The following SMARCC1 variants were observed in gnomAD, a reference collection of about 807,000 sequenced individuals.
SMARCC1 encodes SWI/SNF complex subunit SMARCC1.
A neutral mutation model predicts 147.4 loss-of-function variants in SMARCC1; 43 were observed. The ratio of observed to expected loss-of-function variants is 0.29; its 90% confidence interval spans 0.23 to 0.38. SMARCC1 has a LOEUF of 0.38. Among genes scored for constraint, SMARCC1 ranks in the 10% least tolerant of loss-of-function variants. The pLI is 1.00. For missense variants in SMARCC1, 1,119 were observed against 1,381.1 expected (o/e 0.81, Z 3.01); for synonymous variants, 495 against 484.4 (o/e 1.02, Z -0.29).
intron 25 of SMARCC1, among the ~76,000 whole-genome samples, chr3:47,616,363 T>C (rs2032645763): frequency 6.6e-6 from 1 of 151,922 alleles, no homozygotes; most frequent in Non-Finnish European, 1.5e-5. Context: ...CATAACTGCC[T>C]TTCCTTTAAT....
intron 9 of SMARCC1, among the ~76,000 whole-genome samples, chr3:47,708,536 G>A (rs1331610543): frequency 6.6e-6 from 1 of 152,040 alleles, no homozygotes; most frequent in Admixed American, 6.6e-5. Flanking sequence ...GTATGAACTG[G>A]CCAGTTAAAT....
At chr3:47,605,132 G>C (rs1220427011) in intron 26 of SMARCC1, among the ~76,000 whole-genome samples, 1 of 152,214 alleles carries the variant, frequency 6.6e-6, no homozygotes, top group Non-Finnish European at 1.5e-5. Flanking sequence ...CATACTGCTA[G>C]AGTGTAAACA....
chr3:47,601,611 T>C (rs544739253), intron 26 of SMARCC1: 1 of 151,842 alleles, frequency 6.6e-6, no homozygotes, highest in African/African-American at 2.4e-5. Flanking sequence ...GTAGCATGGC[T>C]ACTCCGGAAA....
chr3:47,613,982 G>A (rs548411993), intron 25 of SMARCC1, among the ~76,000 whole-genome samples: 5 of 135,940 alleles, frequency 3.7e-5, no homozygotes, highest in African/African-American at 1.3e-4. Flanking sequence ...AGCAGGGAGG[G>A]GGGTGGGAAA....
At chr3:47,756,657 A>G (rs563008432) in intron 2 of SMARCC1, among the ~76,000 whole-genome samples, 1 of 152,284 alleles carries the variant, frequency 6.6e-6, no homozygotes, top group South Asian at 2.1e-4. Flanking sequence ...CACGGGTCAA[A>G]TGTAGTCCAC....
rs2033230777 is a variant in SMARCC1 at position 47,654,395 on chromosome 3, A to G, written c.2320+6899T>C. On this transcript the variant is annotated intron_variant, in intron 21 of 27. Transcript: ENST00000254480. ...TCAGTCTCCATATAAGAAAAAGAAA[A>G]TAAGTTAATTTTCAAACTAAGAATT... Among the ~76,000 whole-genome samples the G allele has an allele frequency of 2.6e-5, 4 of 152,366 alleles. No homozygotes were observed. The South Asian group carries it at 8.3e-4, about 32-fold the overall frequency.
At chr3:47,678,397 C>T (rs2033599240) in intron 15 of SMARCC1, 86 bp from the exon 16 acceptor site, 3 of 570,280 alleles carry the variant, frequency 5.3e-6, no homozygotes, top group Non-Finnish European at 6.2e-6. Flanking sequence ...CTTCAGATTC[C>T]TTAAAAATAC....
rs2032544807 is a variant in SMARCC1, at chr3:47,610,268, C to G, written c.2841G>C (p.Leu947=). 2 of 1,614,226 alleles carry G rather than the reference C, an allele frequency of 1.2e-6. No individual in the cohort carries two copies. Among genetic ancestry groups the G allele is most frequent in the South Asian group, 2.2e-5 (2 of 91,088 alleles). Residue 947 remains leucine (L), a synonymous_variant, in exon 26 of 28, where the codon CTG becomes CTC. Transcript: ENST00000254480. Reference sequence around the variant, plus strand: ...GTCGTGCTCGTAATTCAGCATACTTCAGCTGTTCCATGTGGAAGTTTTGGC... The same window carrying G: ...GTCGTGCTCGTAATTCAGCATACTTGAGCTGTTCCATGTGGAAGTTTTGGC... ...TERQNFHMEQ[L]KYAELRARQQ...
intron 26 of SMARCC1, chr3:47,604,645 C>A (rs1279381807): frequency 5.5e-6 from 1 of 181,706 alleles, no homozygotes; most frequent in Non-Finnish European, 1.2e-5. Flanking sequence ...CGTGCTAGAA[C>A]CAGCTTTTTC....
At chr3:47,776,791 T>G (rs1355377509) in intron 1 of SMARCC1, among the ~76,000 whole-genome samples, 2 of 151,978 alleles carry the variant, frequency 1.3e-5, no homozygotes, top group African/African-American at 4.8e-5. Flanking sequence ...TTTCTTTTTT[T>G]TAAACCGAGT....
At position 47,718,170 on chromosome 3, in the gene SMARCC1, C is replaced by G. The variant is rs1448132634; in HGVS notation, c.716+2496G>C. ...AAAAAAAAAAAAAAAAAAGGCCAGG[C>G]ACGGTGGCTCACACCTATAATCCCA... is the stretch of plus-strand genomic sequence containing the variant. On this transcript the variant is annotated intron_variant, in intron 7 of 27. Transcript: ENST00000254480. Among the ~76,000 whole-genome samples the G allele has an allele frequency of 7.1e-5, 10 of 141,528 alleles. No homozygotes were observed. In the East Asian group the frequency reaches 2.1e-3, roughly 30 times the overall value. 92.8% of individuals were successfully genotyped at this position (141,528 alleles called of 152,430 possible).
chr3:47,682,913 C>T (rs897237971), intron 14 of SMARCC1, among the ~76,000 whole-genome samples: 5 of 152,200 alleles, frequency 3.3e-5, no homozygotes, highest in African/African-American at 9.7e-5. Context: ...GACTGAGACA[C>T]TTCCAAATGT....
intron 5 of SMARCC1, among the ~76,000 whole-genome samples, chr3:47,734,128 G>C (rs2034412288): frequency 6.6e-6 from 1 of 151,980 alleles, no homozygotes; most frequent in East Asian, 1.9e-4. Flanking sequence ...AAAAAGAGTA[G>C]GTAATTTCAG....
chr3:47,767,976 C>T (rs933790683), intron 2 of SMARCC1, among the ~76,000 whole-genome samples: 1 of 151,816 alleles, frequency 6.6e-6, no homozygotes, highest in Non-Finnish European at 1.5e-5. Flanking sequence ...GCTGGGCCTA[C>T]AAGCGTGCAG....
intron 14 of SMARCC1, 81 bp from the exon 15 acceptor site, chr3:47,680,589 C>G: frequency 1.2e-6 from 1 of 853,462 alleles, no homozygotes; most frequent in South Asian, 1.6e-5. Flanking sequence ...GCTCTGTCGC[C>G]CAGGCTGGAG....
In SMARCC1 at chr3:47,654,190, T is replaced by G. The variant is rs186117953; in HGVS notation, c.2320+7104A>C. The stretch of plus-strand genomic sequence containing the variant: ...ACTGAATCAAATAAGACTGCCAATG[T>G]TTTTTCAACTCCATAACCACAGAGA... On this transcript the variant is annotated intron_variant, in intron 21 of 27. Transcript: ENST00000254480. 5.3e-3 allele frequency among the ~76,000 whole-genome samples: 812 copies of G among 152,250 alleles called. 5 individuals are homozygous for G. Among genetic ancestry groups the G allele is most frequent in the Non-Finnish European group, 8.7e-3 (590 of 68,006 alleles).
At chr3:47,676,185 A>G (rs1388512645) in intron 17 of SMARCC1, among the ~76,000 whole-genome samples, 1 of 152,150 alleles carries the variant, frequency 6.6e-6, no homozygotes. Context: ...GCTATATATA[A>G]TTTGTTTGAC....
chr3:47,618,753 C>G (rs531824953), intron 25 of SMARCC1, among the ~76,000 whole-genome samples: 2 of 152,158 alleles, frequency 1.3e-5, no homozygotes, highest in East Asian at 3.9e-4. Flanking sequence ...ACAGATCCAT[C>G]AGAAGGTTTA....
chr3:47,638,928 A>G, intron 21 of SMARCC1, 148 bp from the exon 22 acceptor site: 4 of 642,398 alleles, frequency 6.2e-6, no homozygotes, highest in Admixed American at 2.6e-5. Flanking sequence ...GAAGTCAGGC[A>G]CAAAACAACA....
Sources: gnomAD v4.1 joint callset for allele counts (sites outside exome capture counted in the v4.1 genomes callset) on GRCh38, gnomAD v4.1.1 for gene constraint, MANE v1.5 for transcripts, NCBI Gene and HGNC (gene_info 2026-07-23, HGNC 2026-07-21) for gene names.